The following VPS13B variants were observed in gnomAD, a reference collection of about 807,000 sequenced individuals.
VPS13B encodes intermembrane lipid transfer protein VPS13B.
In VPS13B, 285 loss-of-function variants were observed where a neutral mutation model predicts 426.4. The observed-to-expected ratio is 0.67, with a 90% CI of 0.61 to 0.74. The LOEUF is 0.74. VPS13B is among the 30% of genes least tolerant of loss of function. The pLI, the probability that VPS13B is intolerant of heterozygous loss-of-function variation, is 0.00. For synonymous variants in VPS13B, 1,676 were observed against 1,676.4 expected, an observed-to-expected ratio of 1.00 and a Z score of 0.01; for missense variants, 4,537 against 4,782.6, an observed-to-expected ratio of 0.95 and a Z score of 1.51.
At chr8:99,676,328 C>T (rs1563857592) in intron 35 of VPS13B, among the ~76,000 whole-genome samples, 1 of 152,098 alleles carries the variant, frequency 6.6e-6, no homozygotes, top group Non-Finnish European at 1.5e-5. Flanking sequence ...GCCTTGTAGA[C>T]AGCTGGTAGT....
At chr8:99,144,506 AG>A (rs1211649895) in intron 13 of VPS13B, among the ~76,000 whole-genome samples, 2 of 150,970 alleles carry the variant, frequency 1.3e-5, no homozygotes, top group East Asian at 3.9e-4. Flanking sequence ...AAAAAAAAAA[AG>A]CTGCTGTTTT....
intron 36 of VPS13B, among the ~76,000 whole-genome samples, chr8:99,710,049 T>A (rs1832646384): frequency 2.0e-5 from 3 of 152,200 alleles, no homozygotes; most frequent in Non-Finnish European, 4.4e-5. Context: ...TAAGTGATGA[T>A]TTTATATCGT....
chr8:99,568,223 T>C (rs72674657), intron 31 of VPS13B, among the ~76,000 whole-genome samples: 2 of 152,104 alleles, frequency 1.3e-5, no homozygotes, highest in Non-Finnish European at 2.9e-5. Flanking sequence ...TTGAAAGTCA[T>C]TGGATAGTGC....
chr8:99,635,584 C>T (rs1349847400), intron 33 of VPS13B, among the ~76,000 whole-genome samples: 1 of 151,920 alleles, frequency 6.6e-6, no homozygotes, highest in Admixed American at 6.6e-5. Context: ...ATTTCCTTTT[C>T]TTGTCAGCCA....
At chr8:99,753,191 TA>T (rs1810483753) in intron 39 of VPS13B, among the ~76,000 whole-genome samples, 1 of 152,306 alleles carries the variant, frequency 6.6e-6, no homozygotes, top group East Asian at 1.9e-4. Context: ...AATATAAACT[TA>T]AAAAAGTAAA....
At chr8:99,766,753 A>AT (rs778890333) in intron 39 of VPS13B, 21 bp from the exon 40 acceptor site, 20 of 1,603,236 alleles carry the variant, frequency 1.2e-5, no homozygotes, top group Admixed American at 5.1e-5. Context: ...CAACTTCTAA[A>AT]TTTTTTTTAT....
intron 44 of VPS13B, among the ~76,000 whole-genome samples, chr8:99,811,913 A>G (rs963931081): frequency 3.3e-5 from 5 of 152,128 alleles, no homozygotes; most frequent in African/African-American, 1.2e-4. Context: ...CATATTTAAA[A>G]TTACTCTAAT....
At chr8:99,582,379 C>T (rs978250934) in intron 33 of VPS13B, among the ~76,000 whole-genome samples, 1 of 152,162 alleles carries the variant, frequency 6.6e-6, no homozygotes, top group African/African-American at 2.4e-5. Context: ...TATTTATTTC[C>T]ATATTTCTAA....
intron 35 of VPS13B, 93 bp from the exon 36 acceptor site, chr8:99,699,432 G>T: frequency 7.2e-7 from 1 of 1,379,586 alleles, no homozygotes; most frequent in Non-Finnish European, 1.0e-6. Context: ...TATGGATCTT[G>T]GGACACTTTT....
At chr8:99,153,577 T>G (rs565655791) in intron 14 of VPS13B, among the ~76,000 whole-genome samples, 1 of 152,316 alleles carries the variant, frequency 6.6e-6, no homozygotes, top group Admixed American at 6.5e-5. Flanking sequence ...GAGTTTCTTA[T>G]AATAAAAGAA....
intron 43 of VPS13B, among the ~76,000 whole-genome samples, chr8:99,793,249 C>T (rs1812645277): frequency 9.0e-6 from 1 of 111,602 alleles, no homozygotes; most frequent in Non-Finnish European, 1.8e-5. Flanking sequence ...GGGTCTTGCC[C>T]TCTCCATATA....
chr8:99,511,046 T>C, intron 28 of VPS13B, 58 bp from the exon 29 acceptor site: 2 of 1,594,960 alleles, frequency 1.3e-6, no homozygotes, highest in Non-Finnish European at 1.7e-6. Context: ...TTCTTTCCAA[T>C]TTTTAAAAAA....
chr8:99,373,123 A>G (rs914717251), intron 19 of VPS13B, among the ~76,000 whole-genome samples: 3 of 152,172 alleles, frequency 2.0e-5, no homozygotes, highest in African/African-American at 4.8e-5. Context: ...ATGAGAACAC[A>G]TGGACATGGA....
chr8:99,683,639 C>CT (rs1471676076), intron 35 of VPS13B, among the ~76,000 whole-genome samples: 1 of 152,032 alleles, frequency 6.6e-6, no homozygotes, highest in Non-Finnish European at 1.5e-5. Flanking sequence ...TATTTTAAGG[C>CT]TTTTTTGTTT....
In VPS13B at chr8:99,876,965, A is replaced by T. The variant is rs1817727906; in HGVS notation, c.*1299A>T. ...TCACTGCCTGGGCTCAAGTGATCTT[A>T]CTCCAGCCTCCCAAGCAGCTGGGAC... On this transcript the variant is annotated 3_prime_UTR_variant, in exon 62 of 62. Transcript: ENST00000357162. The T allele has an allele frequency of 2.0e-5, 3 of 152,084 alleles. No individual in the cohort carries two copies. The South Asian group carries it at 6.2e-4, about 32-fold the overall frequency. The allele number at this position is 152,084 out of a possible 1,614,324, so 9.4% of individuals were successfully genotyped here. A position where few individuals can be genotyped will look rare whatever the true frequency, so the allele number is the denominator to read the frequency against.
intron 35 of VPS13B, among the ~76,000 whole-genome samples, chr8:99,699,296 G>T (rs960033441): frequency 1.3e-5 from 2 of 151,958 alleles, no homozygotes; most frequent in Admixed American, 6.6e-5. Flanking sequence ...ATGTCACAAG[G>T]ATTGGCCAGG....
chr8:99,103,250 AAAATGC>A, intron 5 of VPS13B, 130 bp downstream of exon 5: 3 of 1,009,424 alleles, frequency 3.0e-6, no homozygotes, highest in Non-Finnish European at 4.6e-6. Context: ...GTGTGGGAAA[AAAATGC>A]ACATATACAA....
intron 39 of VPS13B, among the ~76,000 whole-genome samples, chr8:99,745,620 G>A (rs1810042531): frequency 6.6e-6 from 1 of 152,082 alleles, no homozygotes; most frequent in Admixed American, 6.6e-5. Context: ...ACTATCTGCA[G>A]TTTGAGTCAT....
intron 39 of VPS13B, among the ~76,000 whole-genome samples, chr8:99,729,594 A>C (rs777700608): frequency 1.3e-5 from 2 of 152,210 alleles, no homozygotes; most frequent in Non-Finnish European, 2.9e-5. Context: ...CACAGATTCT[A>C]TAGTCTTCCA....
Sources: allele counts gnomAD v4.1 joint callset (sites outside exome capture counted in the v4.1 genomes callset), GRCh38; gene constraint gnomAD v4.1.1; transcripts MANE v1.5; gene names NCBI Gene and HGNC (gene_info 2026-07-23, HGNC 2026-07-21).